Variants in FTO observed in about 807,000 individuals in gnomAD.
FTO encodes alpha-ketoglutarate-dependent dioxygenase FTO.
A neutral mutation model predicts 63.9 loss-of-function variants in FTO; 47 were observed. That is an observed-to-expected ratio of 0.74 (90% CI 0.58 to 0.94). FTO has a LOEUF of 0.94. FTO is among the 40% of genes least tolerant of loss of function. The probability of loss-of-function intolerance (pLI) is 0.00; values close to 1 mark genes in which losing one functional copy is unlikely to be tolerated. For missense variants in FTO, 562 were observed against 618.1 expected (o/e 0.91, Z 0.96); for synonymous variants, 207 against 224.4 (o/e 0.92, Z 0.69).
chr16:54,021,559 G>T (rs544255909), intron 8 of FTO, among the ~76,000 whole-genome samples: 1 of 152,162 alleles, frequency 6.6e-6, no homozygotes, highest in African/African-American at 2.4e-5. Context: ...TCGCAATCTC[G>T]GCTCACTGCA....
At chr16:53,979,324 T>C (rs1269417126) in intron 8 of FTO, 1 of 398,366 alleles carries the variant, frequency 2.5e-6, no homozygotes, top group Non-Finnish European at 4.4e-6. Context: ...TTGAAAAATA[T>C]ATCTGGAATG....
At chr16:53,704,023 C>T, upstream of FTO, 1 of 770,244 alleles carries the variant, frequency 1.3e-6, no homozygotes. Context: ...GTGGCGCTCG[C>T]GGGTGTCGCC....
intron 4 of FTO, among the ~76,000 whole-genome samples, chr16:53,861,315 A>G (rs1252582913): frequency 1.3e-5 from 2 of 151,690 alleles, no homozygotes; most frequent in South Asian, 2.1e-4. Context: ...ACTTCCACCA[A>G]CCTCCTTTAC....
chr16:53,729,838 T>G (rs1442758329), intron 1 of FTO, among the ~76,000 whole-genome samples: 3 of 152,212 alleles, frequency 2.0e-5, no homozygotes, highest in African/African-American at 7.2e-5. Context: ...CTTCTGAGAC[T>G]TCTGTGATTC....
At chr16:53,928,938 G>A (rs543391662) in intron 7 of FTO, among the ~76,000 whole-genome samples, 450 of 152,104 alleles carry the variant, frequency 3.0e-3, no homozygotes, top group Non-Finnish European at 5.0e-3. Context: ...ATGCCTCCTG[G>A]GTTCAAGCGA....
intron 8 of FTO, among the ~76,000 whole-genome samples, chr16:54,066,977 T>A (rs2085747001): frequency 1.3e-5 from 2 of 152,356 alleles, no homozygotes; most frequent in African/African-American, 2.4e-5. Flanking sequence ...GTCACACTCA[T>A]ATTTCTTTGG....
At chr16:53,746,933 T>C (rs1190128407) in intron 1 of FTO, among the ~76,000 whole-genome samples, 1 of 152,218 alleles carries the variant, frequency 6.6e-6, no homozygotes, top group Admixed American at 6.5e-5. Flanking sequence ...TGATTCCACA[T>C]GTAAGTGAGA....
chr16:53,783,800 A>G (rs957191353), intron 1 of FTO, among the ~76,000 whole-genome samples: 4 of 151,834 alleles, frequency 2.6e-5, no homozygotes, highest in African/African-American at 9.7e-5. Context: ...AAAAAAAAAA[A>G]ATTAATTTGA....
chr16:53,967,924 T>C (rs1599110708), intron 8 of FTO, among the ~76,000 whole-genome samples: 2 of 152,228 alleles, frequency 1.3e-5, no homozygotes, highest in South Asian at 2.1e-4. Flanking sequence ...GGTTTAAATA[T>C]ACACTTTTTG....
intron 7 of FTO, among the ~76,000 whole-genome samples, chr16:53,891,348 T>G (rs2081144240): frequency 2.0e-5 from 3 of 149,522 alleles, no homozygotes; most frequent in Admixed American, 2.0e-4. Context: ...TTCAAGAGCT[T>G]TTTTTTTTTT....
intron 1 of FTO, among the ~76,000 whole-genome samples, chr16:53,733,655 T>C (rs989985140): frequency 2.6e-5 from 4 of 152,180 alleles, no homozygotes; most frequent in Non-Finnish European, 5.9e-5. Context: ...AAGAGAGTAA[T>C]TGTGTGGTTT....
At chr16:53,754,987 T>A (rs1249519093) in intron 1 of FTO, among the ~76,000 whole-genome samples, 1 of 152,172 alleles carries the variant, frequency 6.6e-6, no homozygotes, top group Non-Finnish European at 1.5e-5. Flanking sequence ...CCATTTCTCA[T>A]CGCTATAGGC....
intron 7 of FTO, among the ~76,000 whole-genome samples, chr16:53,926,211 G>A (rs1479010703): frequency 1.3e-5 from 2 of 152,102 alleles, no homozygotes; most frequent in African/African-American, 4.8e-5. Flanking sequence ...CCTACCAAGG[G>A]CATATACTCA....
At chr16:53,848,181 T>G (rs1384089006) in intron 4 of FTO, among the ~76,000 whole-genome samples, 1 of 152,224 alleles carries the variant, frequency 6.6e-6, no homozygotes, top group Non-Finnish European at 1.5e-5. Context: ...CTGCCTTTTC[T>G]CTTTACTTTT....
chr16:53,783,111 A>G (rs1314514425), intron 1 of FTO, among the ~76,000 whole-genome samples: 1 of 152,204 alleles, frequency 6.6e-6, no homozygotes, highest in African/African-American at 2.4e-5. Flanking sequence ...GCTCAGCTTC[A>G]AGGAGTTACA....
chr16:54,105,081 A>C (rs1328291840), intron 8 of FTO, among the ~76,000 whole-genome samples: 1 of 152,242 alleles, frequency 6.6e-6, no homozygotes, highest in African/African-American at 2.4e-5. Flanking sequence ...TCATTGTAAT[A>C]GTTGAGGAAA....
At chr16:54,092,155 T>C (rs1375081182) in intron 8 of FTO, among the ~76,000 whole-genome samples, 8 of 152,186 alleles carry the variant, frequency 5.3e-5, no homozygotes, top group African/African-American at 1.9e-4. Context: ...TGATGGCACA[T>C]GCCTGTTGTC....
At chr16:53,718,142 T>C (rs2075941926) in intron 1 of FTO, among the ~76,000 whole-genome samples, 1 of 152,170 alleles carries the variant, frequency 6.6e-6, no homozygotes, top group Non-Finnish European at 1.5e-5. Flanking sequence ...ATCATTTTTC[T>C]CATTCAATAA....
intron 5 of FTO, among the ~76,000 whole-genome samples, chr16:53,878,098 A>T (rs749144813): frequency 6.6e-6 from 1 of 152,176 alleles, no homozygotes; most frequent in African/African-American, 2.4e-5. Context: ...CAGGAGTTCG[A>T]GACCAGCCTG....
Sources: allele counts gnomAD v4.1 joint callset (sites outside exome capture counted in the v4.1 genomes callset), GRCh38; gene constraint gnomAD v4.1.1; transcripts MANE v1.5; gene names NCBI Gene and HGNC (gene_info 2026-07-23, HGNC 2026-07-21).